CSNK1G3: variants seen among roughly 807,000 people sequenced by gnomAD.
CSNK1G3 encodes the protein casein kinase I isoform gamma-3.
CSNK1G3 carries 23 observed loss-of-function variants against 64.3 expected under a neutral mutation model. The ratio of observed to expected loss-of-function variants is 0.36; its 90% CI spans 0.26 to 0.51. CSNK1G3 has a LOEUF of 0.51. CSNK1G3 is among the 20% of genes least tolerant of loss of function. The pLI, the probability that CSNK1G3 is intolerant of heterozygous loss-of-function variation, is 0.96. For missense variants in CSNK1G3, 357 were observed against 510.5 expected (o/e 0.70, Z 2.90); for synonymous variants, 158 against 162.2 (o/e 0.97, Z 0.20).
intron 1 of CSNK1G3, among the ~76,000 whole-genome samples, chr5:123,513,277 C>T (rs1424486727): frequency 6.6e-6 from 1 of 152,066 alleles, no homozygotes. Context: ...GTCTCTTGGT[C>T]CACAGCCTCC....
chr5:123,607,803 A>G (rs960023858), intron 12 of CSNK1G3, among the ~76,000 whole-genome samples: 19 of 152,228 alleles, frequency 1.2e-4, no homozygotes, highest in Non-Finnish European at 2.5e-4. Flanking sequence ...CAGGTGGGTT[A>G]GGTAGGTTAC....
chr5:123,559,865 C>G (rs997675526), intron 4 of CSNK1G3, among the ~76,000 whole-genome samples: 1 of 152,062 alleles, frequency 6.6e-6, no homozygotes, highest in Non-Finnish European at 1.5e-5. Context: ...TATTTTCAGA[C>G]TGCTCTTAAT....
chr5:123,550,952 A>G (rs1048002188), intron 2 of CSNK1G3, among the ~76,000 whole-genome samples: 30 of 152,234 alleles, frequency 2.0e-4, no homozygotes, highest in African/African-American at 7.0e-4. Flanking sequence ...ATTCAAAAAA[A>G]GATGATCCTT....
At chr5:123,568,283 C>T (rs920569149) in intron 4 of CSNK1G3, among the ~76,000 whole-genome samples, 2 of 152,088 alleles carry the variant, frequency 1.3e-5, no homozygotes, top group Non-Finnish European at 1.5e-5. Flanking sequence ...CAGCCGAACA[C>T]CAGACGTGAC....
chr5:123,617,021 A>G (rs932857932), exon 13 of CSNK1G3: 6 of 152,228 alleles, frequency 3.9e-5, no homozygotes, highest in African/African-American at 1.4e-4. Flanking sequence ...TAATAGAGCA[A>G]TAATTAAATA....
At chr5:123,512,864 G>C (rs1158164278) in intron 1 of CSNK1G3, among the ~76,000 whole-genome samples, 1 of 152,044 alleles carries the variant, frequency 6.6e-6, no homozygotes, top group Admixed American at 6.5e-5. Context: ...AGTTGCCGGA[G>C]TGGTGCGGCG....
intron 12 of CSNK1G3, among the ~76,000 whole-genome samples, chr5:123,606,562 A>C (rs1795402338): frequency 6.6e-6 from 1 of 152,122 alleles, no homozygotes; most frequent in Non-Finnish European, 1.5e-5. Flanking sequence ...AAATGTGATA[A>C]AGCCCTGGTA....
intron 4 of CSNK1G3, among the ~76,000 whole-genome samples, chr5:123,570,400 C>G (rs1561541894): frequency 7.0e-6 from 1 of 142,608 alleles, no homozygotes; most frequent in East Asian, 2.1e-4. Context: ...GTCAGCCAGG[C>G]TGGAGTGCAG....
chr5:123,589,122 G>T (rs1457405752), intron 8 of CSNK1G3, among the ~76,000 whole-genome samples: 1 of 152,120 alleles, frequency 6.6e-6, no homozygotes, highest in Non-Finnish European at 1.5e-5. Flanking sequence ...TGATTTATTT[G>T]TGCAGCCACA....
At chr5:123,560,078 A>C (rs997980840) in intron 4 of CSNK1G3, among the ~76,000 whole-genome samples, 1 of 152,178 alleles carries the variant, frequency 6.6e-6, no homozygotes, top group Non-Finnish European at 1.5e-5. Flanking sequence ...TGAATAGACA[A>C]ATCTCCAAAG....
At chr5:123,521,406 TA>T (rs976017394) in intron 1 of CSNK1G3, among the ~76,000 whole-genome samples, 1 of 152,150 alleles carries the variant, frequency 6.6e-6, no homozygotes, top group African/African-American at 2.4e-5. Flanking sequence ...TGTTTGTAGT[TA>T]ATAAAGTATC....
chr5:123,562,377 GATA>G (rs1393851949), intron 4 of CSNK1G3, among the ~76,000 whole-genome samples: 1 of 152,030 alleles, frequency 6.6e-6, no homozygotes, highest in Non-Finnish European at 1.5e-5. Context: ...TGAGGGCAGT[GATA>G]ATGATATGTT....
chr5:123,593,539 T>C (rs1792840021), intron 10 of CSNK1G3, among the ~76,000 whole-genome samples: 1 of 152,036 alleles, frequency 6.6e-6, no homozygotes, highest in African/African-American at 2.4e-5. Context: ...TCTTACTATA[T>C]TCTTAGAGAG....
At chr5:123,610,569 A>C (rs1013322132) in intron 12 of CSNK1G3, among the ~76,000 whole-genome samples, 4 of 152,208 alleles carry the variant, frequency 2.6e-5, no homozygotes, top group African/African-American at 9.6e-5. Flanking sequence ...GTGCGGTGTC[A>C]ATAGCACAAG....
chr5:123,613,320 G>A (rs966137825), intron 12 of CSNK1G3, among the ~76,000 whole-genome samples: 1 of 151,596 alleles, frequency 6.6e-6, no homozygotes, highest in Non-Finnish European at 1.5e-5. Context: ...CACAGACTGG[G>A]GTTCAGTGGC....
At chr5:123,616,123 A>C (rs767264161) in exon 13 of CSNK1G3, 1 of 152,396 alleles carries the variant, frequency 6.6e-6, no homozygotes, top group Non-Finnish European at 1.5e-5. Context: ...CCTACAAAAC[A>C]TTTGCTGTAT....
intron 1 of CSNK1G3, among the ~76,000 whole-genome samples, chr5:123,524,148 A>G (rs1277051885): frequency 6.6e-6 from 1 of 152,246 alleles, no homozygotes; most frequent in Non-Finnish European, 1.5e-5. Context: ...TTGTAAATAT[A>G]TAAATGCAAA....
At chr5:123,547,367 TAC>T (rs919774976) in intron 2 of CSNK1G3, among the ~76,000 whole-genome samples, 7 of 151,946 alleles carry the variant, frequency 4.6e-5, no homozygotes, top group East Asian at 1.9e-4. Context: ...TCAAAATAAC[TAC>T]ACACACACAC....
At chr5:123,585,331 T>C (rs1791125341) in intron 6 of CSNK1G3, among the ~76,000 whole-genome samples, 1 of 151,778 alleles carries the variant, frequency 6.6e-6, no homozygotes. Context: ...AAATGAGTAA[T>C]AGGTTTAAAT....
Sources: allele counts gnomAD v4.1 joint callset (sites outside exome capture counted in the v4.1 genomes callset), GRCh38; gene constraint gnomAD v4.1.1; transcripts MANE v1.5; gene names NCBI Gene and HGNC (gene_info 2026-07-23, HGNC 2026-07-21).